Variants in ADAMTSL1 observed in about 807,000 individuals in gnomAD.
ADAMTSL1 encodes ADAMTS-like protein 1.
ADAMTSL1 carries 126 observed loss-of-function variants against 201.8 expected under a neutral mutation model. That is an observed-to-expected ratio of 0.62 (90% CI 0.54 to 0.72). ADAMTSL1 has a LOEUF of 0.72. Among genes scored for constraint, ADAMTSL1 ranks in the 30% least tolerant of loss-of-function variants. The pLI is 0.00. For missense variants in ADAMTSL1, 2,679 were observed against 2,277.8 expected, an observed-to-expected ratio of 1.18 and a Z score of -3.59; for synonymous variants, 1,121 against 903.4, an observed-to-expected ratio of 1.24 and a Z score of -4.32.
At chr9:18,563,530 C>T (rs1454131049) in intron 3 of ADAMTSL1, among the ~76,000 whole-genome samples, 5 of 152,198 alleles carry the variant, frequency 3.3e-5, no homozygotes, top group Admixed American at 3.3e-4. Flanking sequence ...CTTAGTAGAG[C>T]TCTAGCGCTG....
chr9:18,204,735 G>A (rs1398995206), intron 2 of ADAMTSL1, among the ~76,000 whole-genome samples: 1 of 152,120 alleles, frequency 6.6e-6, no homozygotes, highest in African/African-American at 2.4e-5. Context: ...AAATTTACAA[G>A]GGAGGGGAAT....
At chr9:18,341,954 G>T (rs1835481444) in intron 2 of ADAMTSL1, among the ~76,000 whole-genome samples, 1 of 152,072 alleles carries the variant, frequency 6.6e-6, no homozygotes, top group African/African-American at 2.4e-5. Flanking sequence ...TGTCCACTTT[G>T]GTTTGGTTAA....
intron 1 of ADAMTSL1, among the ~76,000 whole-genome samples, chr9:18,077,701 G>A (rs192558301): frequency 8.5e-5 from 13 of 152,162 alleles, no homozygotes; most frequent in Admixed American, 7.9e-4. Flanking sequence ...CAAAATAAGA[G>A]AAATGGAAAA....
rs1465769084 is a variant in ADAMTSL1 at position 18,810,473 on chromosome 9, G to C, written c.3806-6636G>C. ...TGGGAGAAAACAAAAAATATAAAAAGCAAGTATAAGACTCCAAAGGGCATT... is the reference window on the plus strand; with the variant it reads ...TGGGAGAAAACAAAAAATATAAAAACCAAGTATAAGACTCCAAAGGGCATT... On this transcript the variant is annotated intron_variant, in intron 20 of 28. Transcript: ENST00000380548. Among the ~76,000 whole-genome samples the C allele has an allele frequency of 2.0e-5, 3 of 152,144 alleles. 1 individual carries two copies. The East Asian group carries it at 5.8e-4, about 29-fold the overall frequency.
intron 2 of ADAMTSL1, among the ~76,000 whole-genome samples, chr9:18,451,633 C>T (rs1323626340): frequency 6.6e-6 from 1 of 152,204 alleles, no homozygotes; most frequent in Non-Finnish European, 1.5e-5. Context: ...ATTTCAGCTC[C>T]ATGTGTTACT....
intron 1 of ADAMTSL1, among the ~76,000 whole-genome samples, chr9:18,073,938 G>A (rs7041361): frequency 0.54 from 82,086 of 151,890 alleles, 22,567 homozygotes; most frequent in South Asian, 0.61. Context: ...TGCTTCACAC[G>A]GGAGGTTATC....
chr9:18,578,624 T>C (rs1822888767), intron 4 of ADAMTSL1, among the ~76,000 whole-genome samples: 2 of 152,210 alleles, frequency 1.3e-5, no homozygotes, highest in South Asian at 2.1e-4. Context: ...ATTGTAAAAA[T>C]AGGATTAGAA....
At chr9:18,496,436 T>C (rs1484996425) in intron 1 of ADAMTSL1, among the ~76,000 whole-genome samples, 1 of 152,218 alleles carries the variant, frequency 6.6e-6, no homozygotes, top group African/African-American at 2.4e-5. Context: ...GAATAGAACC[T>C]AAACCACATC....
chr9:18,104,424 C>T (rs984321117), intron 1 of ADAMTSL1, among the ~76,000 whole-genome samples: 1 of 152,168 alleles, frequency 6.6e-6, no homozygotes, highest in African/African-American at 2.4e-5. Context: ...GGGACTGGAG[C>T]CTCCATAATT....
chr9:18,279,561 A>T (rs1282701481), intron 2 of ADAMTSL1, among the ~76,000 whole-genome samples: 1 of 151,874 alleles, frequency 6.6e-6, no homozygotes, highest in Non-Finnish European at 1.5e-5. Flanking sequence ...TTGTCAGGGA[A>T]AACCCTTCAC....
At chr9:18,397,118 GT>G (rs1258107814) in intron 2 of ADAMTSL1, among the ~76,000 whole-genome samples, 2 of 152,006 alleles carry the variant, frequency 1.3e-5, no homozygotes, top group African/African-American at 4.8e-5. Context: ...GTTTAGGTTT[GT>G]TTAGATTTCT....
rs12683886 is a variant in ADAMTSL1, at chr9:18,578,045, C to T, written c.474+3779C>T. On this transcript the variant is annotated intron_variant, in intron 4 of 28. Transcript: ENST00000380548. ...TCACTAATAGCACTTCACAGCCCAGCGTTTGAAAGCAGGGCCTTTGAGATG... is the reference window on the plus strand; with the variant it reads ...TCACTAATAGCACTTCACAGCCCAGTGTTTGAAAGCAGGGCCTTTGAGATG... Among the ~76,000 whole-genome samples the T allele has an allele frequency of 1.1e-4, 17 of 150,802 alleles. No individual in the cohort carries two copies. The East Asian group carries it at 1.6e-3, about 14-fold the overall frequency.
intron 3 of ADAMTSL1, among the ~76,000 whole-genome samples, chr9:18,548,213 C>T (rs898045142): frequency 7.2e-5 from 11 of 152,132 alleles, no homozygotes; most frequent in African/African-American, 1.7e-4. Context: ...ATCTTTGAGT[C>T]GCTGAATGAA....
chr9:18,629,266 A>G (rs1370440868), intron 5 of ADAMTSL1, among the ~76,000 whole-genome samples: 1 of 152,020 alleles, frequency 6.6e-6, no homozygotes, highest in Non-Finnish European at 1.5e-5. Context: ...TGTACTGGCT[A>G]CGCATGCAAT....
At chr9:18,444,713 C>T (rs12682863) in intron 2 of ADAMTSL1, among the ~76,000 whole-genome samples, 4 of 152,042 alleles carry the variant, frequency 2.6e-5, no homozygotes, top group Non-Finnish European at 4.4e-5. Context: ...AATAGTAGTA[C>T]GAGTTAAGGC....
rs1563912997 is a variant in ADAMTSL1, at chr9:18,909,498, CT to C, written c.*951del. The C allele has an allele frequency of 6.6e-6, 1 of 152,298 alleles. No homozygotes were observed. Among genetic ancestry groups the C allele is most frequent in the Non-Finnish European group, 1.5e-5 (1 of 68,092 alleles). 9.4% of individuals were successfully genotyped at this position (152,298 alleles called of 1,614,324 possible). ...CCTCTTTATCTAAATCCGAAGTCCCCTAGCCCCGCACTAACTAACTGCTGCT... is the reference window on the plus strand; with the variant it reads ...CCTCTTTATCTAAATCCGAAGTCCCCAGCCCCGCACTAACTAACTGCTGCT... On this transcript the variant is annotated 3_prime_UTR_variant, in exon 29 of 29. Transcript: ENST00000380548.
chr9:18,660,725 C>G (rs543238836), intron 8 of ADAMTSL1, among the ~76,000 whole-genome samples: 1 of 152,088 alleles, frequency 6.6e-6, no homozygotes, highest in African/African-American at 2.4e-5. Flanking sequence ...TTTTATAAAA[C>G]AAATATTGGA....
chr9:18,134,701 C>G (rs979637667), intron 1 of ADAMTSL1, among the ~76,000 whole-genome samples: 1 of 152,132 alleles, frequency 6.6e-6, no homozygotes, highest in African/African-American at 2.4e-5. Flanking sequence ...CTTAGATTTA[C>G]TAAAGTCATT....
chr9:18,049,258 A>G (rs139911891), intron 1 of ADAMTSL1, among the ~76,000 whole-genome samples: 476 of 152,334 alleles, frequency 3.1e-3, no homozygotes, highest in African/African-American at 0.01. Context: ...GGGAGACACA[A>G]TGTAACTCAT....
Sources: allele counts gnomAD v4.1 joint callset (sites outside exome capture counted in the v4.1 genomes callset), GRCh38; gene constraint gnomAD v4.1.1; transcripts MANE v1.5; gene names NCBI Gene and HGNC (gene_info 2026-07-23, HGNC 2026-07-21).